GLG1: variants seen among roughly 807,000 people sequenced by gnomAD.
GLG1 encodes golgi glycoprotein 1.
In GLG1, 38 loss-of-function variants were observed where a neutral mutation model predicts 160.5. That is an observed-to-expected ratio of 0.24 (90% CI 0.18 to 0.31). The LOEUF is 0.31. Ranked by LOEUF, GLG1 falls within the 10% of genes least tolerant of loss-of-function variation. GLG1 has a pLI of 1.00. For missense variants in GLG1, 1,373 were observed against 1,505.2 expected (o/e 0.91, Z 1.45); for synonymous variants, 644 against 543.4 (o/e 1.19, Z -2.57).
intron 2 of GLG1, among the ~76,000 whole-genome samples, chr16:74,526,955 T>C (rs1235763372): frequency 6.6e-6 from 1 of 152,196 alleles, no homozygotes; most frequent in Non-Finnish European, 1.5e-5. Context: ...TCTCAGGGCA[T>C]AATCTGTGTT....
intron 2 of GLG1, among the ~76,000 whole-genome samples, chr16:74,531,623 G>A (rs973719998): frequency 7.2e-5 from 11 of 151,976 alleles, no homozygotes; most frequent in South Asian, 2.1e-4. Context: ...CACCATGCCC[G>A]GCCTCATCTC....
chr16:74,494,527 C>T (rs2016116672), intron 6 of GLG1, among the ~76,000 whole-genome samples: 1 of 151,032 alleles, frequency 6.6e-6, no homozygotes, highest in Admixed American at 6.6e-5. Context: ...CTGCTTCAGC[C>T]TCCCGAGTAG....
At position 74,463,379 on chromosome 16, in the gene GLG1, T is replaced by C; in HGVS notation, c.2768A>G (p.Lys923Arg). The C allele has an allele frequency of 6.2e-7, 1 of 1,614,196 alleles. No homozygotes were observed. Among genetic ancestry groups the C allele is most frequent in the Non-Finnish European group, 8.5e-7 (1 of 1,179,996 alleles). ...ACCTGTGTTCTGGGTGATCTGGCGC[T>C]TGGTTATCATCTGTTTGCATTTGGG... ...MDPKCKQMITKRQITQNTDYR... is the reference protein window; with the variant it reads ...MDPKCKQMITRRQITQNTDYR... Residue 923 changes from lysine to arginine, a missense_variant, in exon 20 of 26, where the codon AAG becomes AGG. By Grantham distance (26) the Lys-to-Arg change is conservative. Coordinates refer to ENST00000422840, the MANE Select transcript of GLG1 (RefSeq NM_001145667.2).
rs145703624 is a variant in GLG1 at position 74,489,960 on chromosome 16, G to A, written c.1449+1041C>T. 1.1e-3 allele frequency among the ~76,000 whole-genome samples: 165 copies of A among 152,268 alleles called. 1 individual carries two copies. The highest frequency in any genetic ancestry group is 3.6e-3 in the African/African-American group (150 of 41,548). On this transcript the variant is annotated intron_variant, in intron 8 of 25. Coordinates refer to ENST00000422840, the MANE Select transcript of GLG1 (RefSeq NM_001145667.2). ...CACGATTATCAGGAAAATAAAATTC[G>A]AGTTGATATCCAGTTTTTAATAAAA...
chr16:74,455,580 C>G (rs1401833791), intron 25 of GLG1, among the ~76,000 whole-genome samples: 1 of 152,200 alleles, frequency 6.6e-6, no homozygotes, highest in Non-Finnish European at 1.5e-5. Context: ...TCCCTTGTAC[C>G]TTCCTGCTGT....
chr16:74,464,835 T>TA (rs71158516), intron 19 of GLG1, among the ~76,000 whole-genome samples: 41,610 of 151,668 alleles, frequency 0.27, 5,961 homozygotes, highest in Middle Eastern at 0.38. Context: ...AGTTTAAGTT[T>TA]AAAAAAAATT....
intron 4 of GLG1, among the ~76,000 whole-genome samples, chr16:74,500,440 C>T (rs2016363065): frequency 6.6e-6 from 1 of 150,676 alleles, no homozygotes; most frequent in Non-Finnish European, 1.5e-5. Flanking sequence ...CCCCATATTC[C>T]GTGTCCTTTA....
At chr16:74,590,691 G>A (rs1195575606) in intron 1 of GLG1, among the ~76,000 whole-genome samples, 3 of 149,344 alleles carry the variant, frequency 2.0e-5, no homozygotes, top group African/African-American at 7.4e-5. Context: ...CAGCTACTCA[G>A]GAGGCTGAGG....
chr16:74,478,766 G>C (rs915461815), intron 11 of GLG1, among the ~76,000 whole-genome samples: 5 of 151,166 alleles, frequency 3.3e-5, no homozygotes, highest in African/African-American at 1.2e-4. Flanking sequence ...ACAAAAATTA[G>C]CCGGGCGTAG....
intron 19 of GLG1, chr16:74,463,801 C>CT (rs1213952463): frequency 3.6e-6 from 1 of 279,480 alleles, no homozygotes; most frequent in African/African-American, 2.2e-5. Context: ...TCTTGAACTC[C>CT]TGGTATCAGG....
At chr16:74,541,607 T>C (rs533639351) in intron 1 of GLG1, among the ~76,000 whole-genome samples, 16 of 152,216 alleles carry the variant, frequency 1.1e-4, no homozygotes, top group Non-Finnish European at 2.4e-4. Flanking sequence ...AGAAAAGTTA[T>C]GTAGAAGGCC....
At chr16:74,456,294 G>A (rs2014535953) in intron 25 of GLG1, among the ~76,000 whole-genome samples, 2 of 152,196 alleles carry the variant, frequency 1.3e-5, no homozygotes, top group Admixed American at 6.5e-5. Flanking sequence ...CAGGCTCACG[G>A]GCAGCCAAGG....
At chr16:74,506,029 TAAAAAAA>T (rs59306961) in intron 3 of GLG1, among the ~76,000 whole-genome samples, 1 of 92,512 alleles carries the variant, frequency 1.1e-5, no homozygotes. Flanking sequence ...GACTCCATCT[TAAAAAAA>T]AAAAAAAAAA....
rs1435403761 is a variant in GLG1 at position 74,449,609 on chromosome 16, T to G, written c.*3558A>C. 6.6e-6 allele frequency: 1 copy of G among 152,222 alleles called. No homozygotes were observed. The highest frequency in any genetic ancestry group is 1.5e-5 in the Non-Finnish European group (1 of 68,058). 9.4% of individuals were successfully genotyped at this position (152,222 alleles called of 1,614,324 possible). On this transcript the variant is annotated 3_prime_UTR_variant, in exon 26 of 26. Coordinates refer to ENST00000422840, the MANE Select transcript of GLG1 (RefSeq NM_001145667.2). Reference sequence around the variant, plus strand: ...AGGATGCATCCCCACCCTGGCCAGCTGAGTGACTCACTGTTCCCAAGAAGA... The same window carrying G: ...AGGATGCATCCCCACCCTGGCCAGCGGAGTGACTCACTGTTCCCAAGAAGA...
intron 4 of GLG1, among the ~76,000 whole-genome samples, chr16:74,498,448 G>GTATATATATATATATACATATATATATA (rs2016282339): frequency 4.2e-5 from 1 of 24,038 alleles, no homozygotes; most frequent in Non-Finnish European, 7.7e-5. Flanking sequence ...AAAAAAAAAA[G>GTATATATATATATATACATATATATATA]TATATATATA....
At chr16:74,549,957 G>GA (rs954850640) in intron 1 of GLG1, among the ~76,000 whole-genome samples, 10 of 88,756 alleles carry the variant, frequency 1.1e-4, no homozygotes, top group Middle Eastern at 5.7e-3. Context: ...GTGCCAAAAA[G>GA]AAAAAAAAAA....
intron 18 of GLG1, among the ~76,000 whole-genome samples, chr16:74,467,326 T>C (rs529934133): frequency 6.6e-6 from 1 of 152,300 alleles, no homozygotes; most frequent in South Asian, 2.1e-4. Flanking sequence ...CTGGATAGGG[T>C]CCTGCTTCTG....
intron 1 of GLG1, among the ~76,000 whole-genome samples, chr16:74,555,011 G>T (rs915030791): frequency 3.9e-5 from 6 of 152,140 alleles, no homozygotes; most frequent in African/African-American, 1.4e-4. Flanking sequence ...GCAAAACCCT[G>T]TGTCTAAAAT....
At position 74,452,728 on chromosome 16, in the gene GLG1, C is replaced by T; in HGVS notation, c.*439G>A. 1 of 992,616 alleles carries T rather than the reference C, an allele frequency of 1.0e-6. No individual in the cohort carries two copies. The highest frequency in any genetic ancestry group is 5.2e-4 in the Middle Eastern group (1 of 1,924). The allele number at this position is 992,616 out of a possible 1,614,324, so 61.5% of individuals were successfully genotyped here. ...AAGTCCTGTCTTTGTTTTACACAGT[C>T]ATATGAAAGACATAACCCCATTGCC... On this transcript the variant is annotated 3_prime_UTR_variant, in exon 26 of 26. Coordinates refer to ENST00000422840, the MANE Select transcript of GLG1 (RefSeq NM_001145667.2).
Sources: allele counts gnomAD v4.1 joint callset (sites outside exome capture counted in the v4.1 genomes callset), GRCh38; gene constraint gnomAD v4.1.1; transcripts MANE v1.5; gene names NCBI Gene and HGNC (gene_info 2026-07-23, HGNC 2026-07-21).